Variants in VAV3 observed in about 807,000 individuals in gnomAD.
VAV3 encodes guanine nucleotide exchange factor VAV3.
Under a neutral mutation model 131.2 loss-of-function variants are expected in VAV3, and 94 were observed. That is an observed-to-expected ratio of 0.72 (90% CI 0.61 to 0.85). VAV3 has a LOEUF of 0.85. Ranked by LOEUF, VAV3 falls within the 40% of genes least tolerant of loss-of-function variation. The pLI is 0.00. For synonymous variants in VAV3, 349 were observed against 342.0 expected, an observed-to-expected ratio of 1.02 and a Z score of -0.22; for missense variants, 939 against 1,002.7, an observed-to-expected ratio of 0.94 and a Z score of 0.86.
In VAV3 at chr1:107,897,912, C is replaced by A. The variant is rs141149435; in HGVS notation, c.205-22895G>T. On this transcript the variant is annotated intron_variant, in intron 1 of 26. Transcript: ENST00000370056. ...TTTTCCCTACACTGTTCAATAAAAC[C>A]CAAAGTCTCATAACCACTAGAGTGT... 7.4e-3 allele frequency among the ~76,000 whole-genome samples: 1,133 copies of A among 152,110 alleles called. 7 individuals are homozygous for A. The highest frequency in any genetic ancestry group is 0.012 in the Admixed American group (177 of 15,278).
At chr1:107,955,503 G>A (rs1457233940) in intron 1 of VAV3, among the ~76,000 whole-genome samples, 5 of 151,980 alleles carry the variant, frequency 3.3e-5, no homozygotes, top group African/African-American at 4.8e-5. Context: ...CTGGAAGGGA[G>A]ACGGATAAGG....
chr1:107,815,643 A>C (rs1437945060), intron 2 of VAV3, among the ~76,000 whole-genome samples: 1 of 152,262 alleles, frequency 6.6e-6, no homozygotes, highest in Non-Finnish European at 1.5e-5. Context: ...CTTATAAAAC[A>C]GTAGTAAACT....
intron 1 of VAV3, among the ~76,000 whole-genome samples, chr1:107,914,642 T>C (rs1237290420): frequency 1.3e-5 from 2 of 152,232 alleles, no homozygotes; most frequent in Admixed American, 6.5e-5. Context: ...CAGTGTGCCA[T>C]AATGTTTGGA....
intron 25 of VAV3, among the ~76,000 whole-genome samples, chr1:107,592,056 C>CGTGT (rs35290300): frequency 0.096 from 14,332 of 148,740 alleles, 924 homozygotes; most frequent in East Asian, 0.32. Context: ...TATATACATA[C>CGTGT]GTGTGTGTGT....
intron 19 of VAV3, among the ~76,000 whole-genome samples, chr1:107,677,531 C>T (rs1205123771): frequency 6.6e-6 from 1 of 152,144 alleles, no homozygotes; most frequent in African/African-American, 2.4e-5. Context: ...AAGTCCACTC[C>T]ATATCTGACG....
chr1:107,758,390 C>T (rs1438364604), intron 10 of VAV3, among the ~76,000 whole-genome samples: 5 of 151,942 alleles, frequency 3.3e-5, no homozygotes, highest in African/African-American at 1.2e-4. Context: ...GGCAACATGA[C>T]AAGACCCCAT....
intron 15 of VAV3, among the ~76,000 whole-genome samples, chr1:107,732,568 C>T (rs1233765596): frequency 6.6e-6 from 1 of 152,238 alleles, no homozygotes; most frequent in Non-Finnish European, 1.5e-5. Flanking sequence ...ATAACCCACG[C>T]CTGGCTCAGA....
intron 1 of VAV3, among the ~76,000 whole-genome samples, chr1:107,947,256 T>C (rs1299854465): frequency 2.0e-5 from 3 of 152,218 alleles, no homozygotes; most frequent in Non-Finnish European, 4.4e-5. Flanking sequence ...CAGATTCAAA[T>C]GTGCCAATTA....
intron 19 of VAV3, among the ~76,000 whole-genome samples, chr1:107,657,282 C>T (rs1656639878): frequency 6.6e-6 from 1 of 152,090 alleles, no homozygotes; most frequent in Non-Finnish European, 1.5e-5. Flanking sequence ...TAAAGTAAGA[C>T]TTCAGCTTAT....
chr1:107,844,619 C>T (rs2100933448), intron 2 of VAV3, among the ~76,000 whole-genome samples: 1 of 152,290 alleles, frequency 6.6e-6, no homozygotes, highest in South Asian at 2.1e-4. Context: ...ACCTGGGATG[C>T]TCCAGCTTGG....
chr1:107,690,561 G>T (rs1659361480), intron 17 of VAV3, among the ~76,000 whole-genome samples: 1 of 152,144 alleles, frequency 6.6e-6, no homozygotes, highest in Non-Finnish European at 1.5e-5. Context: ...AGACTTAGCT[G>T]TCTACCTTAC....
At chr1:107,726,919 C>T (rs1661878717) in intron 15 of VAV3, among the ~76,000 whole-genome samples, 3 of 152,100 alleles carry the variant, frequency 2.0e-5, no homozygotes, top group Non-Finnish European at 2.9e-5. Flanking sequence ...TAAATCCACA[C>T]AAACACATGT....
intron 2 of VAV3, among the ~76,000 whole-genome samples, chr1:107,846,374 G>A (rs139396262): frequency 0.011 from 1,636 of 151,448 alleles, 32 homozygotes; most frequent in African/African-American, 0.038. Context: ...TCAACACTGT[G>A]AAGAAACTGC....
intron 20 of VAV3, among the ~76,000 whole-genome samples, chr1:107,624,413 T>A (rs927524065): frequency 7.7e-5 from 10 of 129,124 alleles, no homozygotes; most frequent in Non-Finnish European, 1.5e-4. Context: ...TGTGTGTGTG[T>A]GAAAGAAACA....
chr1:107,609,864 T>C (rs1652584863), intron 22 of VAV3, 67 bp downstream of exon 22: 3 of 1,524,398 alleles, frequency 2.0e-6, no homozygotes, highest in East Asian at 4.5e-5. Context: ...TACCCCCACA[T>C]TTAAGGCATC....
intron 25 of VAV3, among the ~76,000 whole-genome samples, chr1:107,595,974 T>C (rs905499291): frequency 1.3e-5 from 2 of 152,160 alleles, no homozygotes; most frequent in African/African-American, 4.8e-5. Flanking sequence ...ATCTTTTACG[T>C]TTCTGCTGGA....
At chr1:107,710,018 AAAT>A (rs1660688957) in intron 15 of VAV3, among the ~76,000 whole-genome samples, 3 of 152,240 alleles carry the variant, frequency 2.0e-5, no homozygotes, top group Non-Finnish European at 2.9e-5. Flanking sequence ...ATACAATGTA[AAAT>A]AATAATACAT....
At chr1:107,688,506 T>C (rs1270900571) in intron 17 of VAV3, 100 bp from the exon 18 acceptor site, 4 of 1,579,302 alleles carry the variant, frequency 2.5e-6, no homozygotes, top group African/African-American at 2.7e-5. Context: ...CACTGCTTTG[T>C]TTTCTTAACT....
At chr1:107,926,258 G>A (rs1001813665) in intron 1 of VAV3, among the ~76,000 whole-genome samples, 4 of 152,100 alleles carry the variant, frequency 2.6e-5, no homozygotes, top group African/African-American at 4.8e-5. Context: ...TCCAGTCTGG[G>A]TGGCAGAACG....
Sources: gnomAD v4.1 joint callset for allele counts (sites outside exome capture counted in the v4.1 genomes callset) on GRCh38, gnomAD v4.1.1 for gene constraint, MANE v1.5 for transcripts, NCBI Gene and HGNC (gene_info 2026-07-23, HGNC 2026-07-21) for gene names.